CDKAL1: variants seen among roughly 807,000 people sequenced by gnomAD.
CDKAL1 encodes the protein threonylcarbamoyladenosine tRNA methylthiotransferase.
A neutral mutation model predicts 68.2 loss-of-function variants in CDKAL1; 32 were observed. The observed-to-expected ratio is 0.47, with a 90% CI of 0.35 to 0.63. The LOEUF (loss-of-function observed/expected upper bound fraction) is 0.63, where lower values mean the gene tolerates loss of function less well. Among genes scored for constraint, CDKAL1 ranks in the 30% least tolerant of loss-of-function variants. CDKAL1 has a pLI of 0.00. For missense variants in CDKAL1, 606 were observed against 696.7 expected, an observed-to-expected ratio of 0.87 and a Z score of 1.47; for synonymous variants, 234 against 244.3, an observed-to-expected ratio of 0.96 and a Z score of 0.39.
intron 10 of CDKAL1, among the ~76,000 whole-genome samples, chr6:20,991,617 G>A (rs1034825492): frequency 2.1e-5 from 3 of 145,376 alleles, no homozygotes; most frequent in Non-Finnish European, 4.5e-5. Flanking sequence ...TGAGGCAGGA[G>A]AATTGCTTGA....
chr6:20,814,299 A>C (rs1172493398), intron 8 of CDKAL1, among the ~76,000 whole-genome samples: 2 of 152,106 alleles, frequency 1.3e-5, no homozygotes, highest in East Asian at 3.9e-4. Flanking sequence ...CTTACTCATT[A>C]TGTGCAGTTG....
intron 9 of CDKAL1, among the ~76,000 whole-genome samples, chr6:20,898,033 A>G (rs1247657062): frequency 2.0e-5 from 3 of 152,144 alleles, no homozygotes; most frequent in Non-Finnish European, 4.4e-5. Context: ...TTTAGGGTAC[A>G]GTCTTGTTAA....
intron 7 of CDKAL1, among the ~76,000 whole-genome samples, chr6:20,769,690 A>G (rs554291810): frequency 1.3e-5 from 2 of 152,310 alleles, no homozygotes; most frequent in South Asian, 4.1e-4. Context: ...GCTTTTGAGA[A>G]ACGTCATTAG....
intron 8 of CDKAL1, among the ~76,000 whole-genome samples, chr6:20,806,043 C>G (rs1325032504): frequency 1.3e-5 from 2 of 152,052 alleles, no homozygotes. Flanking sequence ...ATGTACAGGT[C>G]TTTATGTAGG....
Position 20,752,065 on chromosome 6 carries a change from TC to T in CDKAL1, c.469-6528del, listed in dbSNP as rs139757405. 7.6e-3 allele frequency among the ~76,000 whole-genome samples: 1,154 copies of T among 151,932 alleles called. 20 individuals carry two copies. The highest frequency in any genetic ancestry group is 0.026 in the African/African-American group (1,081 of 41,416). On this transcript the variant is annotated intron_variant, in intron 6 of 15. Coordinates refer to ENST00000274695, the MANE Select transcript of CDKAL1 (RefSeq NM_017774.3). The stretch of plus-strand genomic sequence containing the variant: ...TTTTTTTCTTCTGATGTTTTCCTCT[TC>T]CGCGTAACTCCCCCTCCCCTGACTC...
intron 5 of CDKAL1, among the ~76,000 whole-genome samples, chr6:20,730,613 G>T (rs1772875678): frequency 6.6e-6 from 1 of 152,148 alleles, no homozygotes. Context: ...GGGAGGCCGA[G>T]GCGGGCAGAT....
At chr6:20,869,344 A>G (rs1164673236) in intron 9 of CDKAL1, among the ~76,000 whole-genome samples, 1 of 152,252 alleles carries the variant, frequency 6.6e-6, no homozygotes, top group Non-Finnish European at 1.5e-5. Flanking sequence ...GATTTAAATT[A>G]GCCAAATGAA....
chr6:21,188,571 G>T (rs1778108871), intron 13 of CDKAL1, among the ~76,000 whole-genome samples: 1 of 152,172 alleles, frequency 6.6e-6, no homozygotes, highest in Non-Finnish European at 1.5e-5. Flanking sequence ...CTTATATCCA[G>T]TGTTGGCTCC....
At chr6:21,042,207 A>C (rs1157600966) in intron 11 of CDKAL1, among the ~76,000 whole-genome samples, 2 of 152,080 alleles carry the variant, frequency 1.3e-5, no homozygotes, top group African/African-American at 2.4e-5. Flanking sequence ...AAATACATAA[A>C]TCCCATGTAT....
intron 9 of CDKAL1, among the ~76,000 whole-genome samples, chr6:20,906,218 A>G (rs1319279175): frequency 6.6e-6 from 1 of 152,048 alleles, no homozygotes; most frequent in Non-Finnish European, 1.5e-5. Flanking sequence ...ATAATTTAAG[A>G]GACTAATGCA....
intron 9 of CDKAL1, among the ~76,000 whole-genome samples, chr6:20,874,523 A>T (rs1297368490): frequency 6.6e-6 from 1 of 150,540 alleles, no homozygotes; most frequent in East Asian, 2.0e-4. Flanking sequence ...GTTTATTTTT[A>T]AACTTTTTTT....
At chr6:20,949,659 G>T (rs1339357393) in intron 9 of CDKAL1, among the ~76,000 whole-genome samples, 1 of 151,942 alleles carries the variant, frequency 6.6e-6, no homozygotes, top group Non-Finnish European at 1.5e-5. Context: ...GATCTGCCTG[G>T]GAAATGCTTC....
intron 5 of CDKAL1, among the ~76,000 whole-genome samples, chr6:20,693,695 C>A (rs545642895): frequency 9.9e-5 from 15 of 152,266 alleles, no homozygotes; most frequent in Admixed American, 9.8e-4. Flanking sequence ...AATACTTTTG[C>A]CTTTCCTTGT....
chr6:20,576,049 C>T (rs1764894584), intron 4 of CDKAL1, among the ~76,000 whole-genome samples: 1 of 152,066 alleles, frequency 6.6e-6, no homozygotes, highest in Non-Finnish European at 1.5e-5. Flanking sequence ...TAGCTATAGA[C>T]ATATATATGT....
At chr6:21,161,251 G>A (rs372133555) in intron 13 of CDKAL1, among the ~76,000 whole-genome samples, 10 of 151,906 alleles carry the variant, frequency 6.6e-5, no homozygotes, top group Non-Finnish European at 1.0e-4. Context: ...CAACGATATC[G>A]TATGAGATTG....
At chr6:20,686,713 C>CA (rs1236220823) in intron 5 of CDKAL1, among the ~76,000 whole-genome samples, 1 of 152,148 alleles carries the variant, frequency 6.6e-6, no homozygotes, top group African/African-American at 2.4e-5. Flanking sequence ...TGAACTAGGA[C>CA]ATCCAGTATG....
At chr6:20,966,935 G>T (rs566106945) in intron 10 of CDKAL1, among the ~76,000 whole-genome samples, 4 of 151,936 alleles carry the variant, frequency 2.6e-5, no homozygotes, top group Admixed American at 6.6e-5. Context: ...CCATTATTGC[G>T]TTTGTATTGG....
chr6:21,138,237 C>CTGTGTG (rs144464167), intron 13 of CDKAL1, among the ~76,000 whole-genome samples: 6 of 151,166 alleles, frequency 4.0e-5, no homozygotes, highest in Admixed American at 1.3e-4. Context: ...ATGTGTGTGT[C>CTGTGTG]TGTGTGTGTG....
chr6:20,614,029 TCA>T (rs1461798543), intron 4 of CDKAL1, among the ~76,000 whole-genome samples: 7 of 152,158 alleles, frequency 4.6e-5, no homozygotes, highest in Non-Finnish European at 1.0e-4. Context: ...AAATGGGATC[TCA>T]GTGTCTTTTA....
Sources: allele counts gnomAD v4.1 joint callset (sites outside exome capture counted in the v4.1 genomes callset), GRCh38; gene constraint gnomAD v4.1.1; transcripts MANE v1.5; gene names NCBI Gene and HGNC (gene_info 2026-07-23, HGNC 2026-07-21).